Variants in AUTS2 observed in about 807,000 individuals in gnomAD.
AUTS2 encodes the protein activator of transcription and developmental regulator AUTS2.
In AUTS2, 17 loss-of-function variants were observed where a neutral mutation model predicts 112.4. That is an observed-to-expected ratio of 0.15 (90% CI 0.10 to 0.23). The LOEUF is 0.23. Among genes scored for constraint, AUTS2 ranks in the 10% least tolerant of loss-of-function variants. The pLI is 1.00. For missense variants in AUTS2, 1,510 were observed against 1,701.6 expected (o/e 0.89, Z 1.98); for synonymous variants, 751 against 702.7 (o/e 1.07, Z -1.09).
intron 1 of AUTS2, among the ~76,000 whole-genome samples, chr7:69,608,221 A>G (rs770377864): frequency 1.9e-4 from 29 of 152,248 alleles, no homozygotes; most frequent in Non-Finnish European, 3.4e-4. Context: ...GACGTGAGGC[A>G]CTGCACCCGG....
intron 4 of AUTS2, chr7:70,290,325 A>G (rs138159000): frequency 6.9e-7 from 1 of 1,453,858 alleles, no homozygotes; most frequent in African/African-American, 1.5e-5. Context: ...AGGGCATTTA[A>G]CATTCTTTTG....
chr7:69,822,536 G>A (rs578098234), intron 1 of AUTS2, among the ~76,000 whole-genome samples: 2 of 152,338 alleles, frequency 1.3e-5, no homozygotes, highest in South Asian at 4.1e-4. Context: ...TTGGCGAATA[G>A]AATGATACAT....
chr7:70,093,934 CT>C (rs1370820424), intron 2 of AUTS2, among the ~76,000 whole-genome samples: 1 of 152,212 alleles, frequency 6.6e-6, no homozygotes, highest in African/African-American at 2.4e-5. Context: ...CTAAGCCTTC[CT>C]GGAAGAGGTA....
intron 6 of AUTS2, among the ~76,000 whole-genome samples, chr7:70,704,361 G>A (rs1182359678): frequency 1.3e-5 from 2 of 152,158 alleles, no homozygotes; most frequent in Admixed American, 6.5e-5. Flanking sequence ...GATGGAGGAG[G>A]CGTAGATTAC....
intron 2 of AUTS2, among the ~76,000 whole-genome samples, chr7:69,909,796 G>A (rs1384937507): frequency 1.3e-5 from 2 of 152,100 alleles, no homozygotes; most frequent in Non-Finnish European, 2.9e-5. Flanking sequence ...ACAGTAGGTA[G>A]CATTCTTTTT....
intron 2 of AUTS2, among the ~76,000 whole-genome samples, chr7:70,081,052 GATTT>G (rs1423991781): frequency 6.6e-6 from 1 of 152,234 alleles, no homozygotes; most frequent in African/African-American, 2.4e-5. Context: ...AATGCGTGAG[GATTT>G]ATTTATTTGT....
intron 5 of AUTS2, chr7:70,436,119 A>G (rs1394265923): frequency 4.1e-6 from 1 of 244,206 alleles, no homozygotes; most frequent in Non-Finnish European, 7.8e-6. Context: ...CCATGATGAG[A>G]ACGTTAAACT....
At chr7:69,709,747 C>T (rs973221842) in intron 1 of AUTS2, among the ~76,000 whole-genome samples, 11 of 152,098 alleles carry the variant, frequency 7.2e-5, no homozygotes, top group East Asian at 3.9e-4. Context: ...TAAAATAAAC[C>T]GGAACTGTAA....
intron 4 of AUTS2, among the ~76,000 whole-genome samples, chr7:70,172,576 C>T (rs1562761375): frequency 6.6e-6 from 1 of 152,144 alleles, no homozygotes; most frequent in Non-Finnish European, 1.5e-5. Flanking sequence ...GATTCTGTAA[C>T]ATTAATCTCA....
At chr7:69,658,109 T>C (rs1463635218) in intron 1 of AUTS2, among the ~76,000 whole-genome samples, 1 of 152,240 alleles carries the variant, frequency 6.6e-6, no homozygotes, top group Non-Finnish European at 1.5e-5. Context: ...ATAAATAAAG[T>C]TTTATTGGAA....
intron 4 of AUTS2, among the ~76,000 whole-genome samples, chr7:70,251,427 T>C (rs1255393521): frequency 6.6e-6 from 1 of 152,184 alleles, no homozygotes; most frequent in Admixed American, 6.5e-5. Context: ...CTTCTCTAAA[T>C]GTACTCTTCC....
chr7:70,344,842 G>T (rs1791423352), intron 4 of AUTS2, among the ~76,000 whole-genome samples: 1 of 152,122 alleles, frequency 6.6e-6, no homozygotes, highest in Non-Finnish European at 1.5e-5. Flanking sequence ...TTTCAGGAGG[G>T]ACTCTTTTCT....
At chr7:70,129,523 A>G (rs1462002046) in intron 3 of AUTS2, among the ~76,000 whole-genome samples, 2 of 152,178 alleles carry the variant, frequency 1.3e-5, no homozygotes, top group African/African-American at 2.4e-5. Flanking sequence ...TGACCACCAC[A>G]ATCACACTCT....
intron 3 of AUTS2, among the ~76,000 whole-genome samples, chr7:70,126,604 A>G (rs1805982639): frequency 6.6e-6 from 1 of 152,188 alleles, no homozygotes; most frequent in African/African-American, 2.4e-5. Flanking sequence ...AATGTTTATG[A>G]TGAGTTATTC....
chr7:69,853,744 A>T (rs1224659787), intron 1 of AUTS2, among the ~76,000 whole-genome samples: 1 of 152,150 alleles, frequency 6.6e-6, no homozygotes, highest in Non-Finnish European at 1.5e-5. Context: ...TATATATATA[A>T]CACCCAGGAA....
At chr7:70,217,430 G>A (rs1475181722) in intron 4 of AUTS2, among the ~76,000 whole-genome samples, 1 of 152,104 alleles carries the variant, frequency 6.6e-6, no homozygotes, top group Admixed American at 6.5e-5. Flanking sequence ...TAACTGAGAA[G>A]TTTAATAGGC....
chr7:70,272,373 CAAA>C (rs774031095), intron 4 of AUTS2, among the ~76,000 whole-genome samples: 1 of 152,042 alleles, frequency 6.6e-6, no homozygotes, highest in Non-Finnish European at 1.5e-5. Flanking sequence ...ATGCGTTAAT[CAAA>C]ATAATGTGGA....
At chr7:70,152,464 G>A (rs1282343937) in intron 4 of AUTS2, among the ~76,000 whole-genome samples, 2 of 150,814 alleles carry the variant, frequency 1.3e-5, no homozygotes, top group Non-Finnish European at 3.0e-5. Context: ...ATGCACTGGA[G>A]CAACATCCTT....
At position 70,742,492 on chromosome 7, in the gene AUTS2, G is replaced by A. The variant is rs189542201; in HGVS notation, c.743-20378G>A. Among the ~76,000 whole-genome samples, 1,121 of 152,318 alleles carry A rather than the reference G, an allele frequency of 7.4e-3. 16 individuals carry two copies. Among genetic ancestry groups the A allele is most frequent in the African/African-American group, 0.026 (1,073 of 41,556 alleles). On this transcript the variant is annotated intron_variant, in intron 6 of 18. Transcript: ENST00000342771. ...AAAAGTGAAATTTCAGCCAGGCACG[G>A]TGGCACACACCTGTAATCTCAGCAC... is the stretch of plus-strand genomic sequence containing the variant.
Sources: allele counts gnomAD v4.1 joint callset (sites outside exome capture counted in the v4.1 genomes callset), GRCh38; gene constraint gnomAD v4.1.1; transcripts MANE v1.5; gene names NCBI Gene and HGNC (gene_info 2026-07-23, HGNC 2026-07-21).